The following NTM variants were observed in gnomAD, a reference collection of about 807,000 sequenced individuals.
NTM encodes IgLON family member 2.
NTM carries 13 observed loss-of-function variants against 42.1 expected under a neutral mutation model. That is an observed-to-expected ratio of 0.31 (90% CI 0.20 to 0.49). The LOEUF (loss-of-function observed/expected upper bound fraction) is 0.49. Among genes scored for constraint, NTM ranks in the 20% least tolerant of loss-of-function variants. NTM has a pLI of 0.99. For synonymous variants in NTM, 187 were observed against 179.2 expected (o/e 1.04, Z -0.35); for missense variants, 373 against 452.8 (o/e 0.82, Z 1.60).
intron 2 of NTM, among the ~76,000 whole-genome samples, chr11:131,935,082 T>G (rs1565773898): frequency 6.6e-6 from 1 of 152,104 alleles, no homozygotes. Flanking sequence ...AATTGAGAGA[T>G]AGTCACAGAT....
chr11:131,879,201 G>C (rs1452436718), intron 1 of NTM, among the ~76,000 whole-genome samples: 1 of 152,030 alleles, frequency 6.6e-6, no homozygotes, highest in Non-Finnish European at 1.5e-5. Context: ...AAATGACCTC[G>C]AACCTGGATC....
chr11:131,559,606 G>A (rs1293220094), intron 1 of NTM, among the ~76,000 whole-genome samples: 1 of 152,174 alleles, frequency 6.6e-6, no homozygotes, highest in Non-Finnish European at 1.5e-5. Flanking sequence ...TTCTATATGA[G>A]TCAAAATATA....
chr11:132,146,565 C>T lies in NTM; in HGVS notation c.400+51C>T. ...GATCTGGCTGGCCAGCCTGGAAAGC[C>T]TTCAGGTAAAGGTTTGTTCTCTGAT... On this transcript the variant is annotated intron_variant, in intron 3 of 8. Coordinates refer to ENST00000683400, the MANE Select transcript of NTM (RefSeq NM_001352005.2). This position sits in a 1 kb window ranked among gnomAD's most constrained non-coding sequence, Gnocchi z 4.5. 1.3e-6 allele frequency: 2 copies of T among 1,589,422 alleles called. No individual in the cohort carries two copies. Among genetic ancestry groups the T allele is most frequent in the South Asian group, 2.3e-5 (2 of 88,482 alleles).
At chr11:132,203,617 C>T (rs565956191) in intron 3 of NTM, among the ~76,000 whole-genome samples, 7 of 152,216 alleles carry the variant, frequency 4.6e-5, no homozygotes, top group East Asian at 1.9e-4. Flanking sequence ...AAAAACACTG[C>T]GCGGTGGCAC....
At chr11:132,265,794 A>G (rs573979841) in intron 4 of NTM, among the ~76,000 whole-genome samples, 24 of 152,264 alleles carry the variant, frequency 1.6e-4, no homozygotes, top group Admixed American at 1.3e-3. Context: ...TAACAACCTG[A>G]ATGAAGTATG....
intron 1 of NTM, among the ~76,000 whole-genome samples, chr11:131,652,934 T>G (rs1416839767): frequency 6.6e-6 from 1 of 152,190 alleles, no homozygotes; most frequent in Admixed American, 6.5e-5. Context: ...GCCTTCATCC[T>G]TTACCGCCCT....
At chr11:131,732,758 A>G (rs2079858275) in intron 1 of NTM, among the ~76,000 whole-genome samples, 1 of 152,148 alleles carries the variant, frequency 6.6e-6, no homozygotes, top group African/African-American at 2.4e-5. Flanking sequence ...AGCGGAGTCT[A>G]TTTGTGTTGA....
chr11:131,723,220 A>C (rs917915396), intron 1 of NTM, among the ~76,000 whole-genome samples: 9 of 152,226 alleles, frequency 5.9e-5, no homozygotes, highest in African/African-American at 2.2e-4. Context: ...TGGTGTTTTA[A>C]GCTTGTTTGC....
At chr11:131,472,789 C>T (rs530760261) in intron 1 of NTM, among the ~76,000 whole-genome samples, 4 of 152,152 alleles carry the variant, frequency 2.6e-5, no homozygotes, top group African/African-American at 7.2e-5. Context: ...GAAACTGAGG[C>T]TGAAAGACAC....
chr11:131,708,185 A>C (rs1331893724), intron 1 of NTM, among the ~76,000 whole-genome samples: 2 of 152,154 alleles, frequency 1.3e-5, no homozygotes, highest in African/African-American at 4.8e-5. Flanking sequence ...GCAATATAAC[A>C]AACCGTTAAT....
At chr11:132,172,556 C>T (rs1383579149) in intron 3 of NTM, among the ~76,000 whole-genome samples, 1 of 152,176 alleles carries the variant, frequency 6.6e-6, no homozygotes, top group Non-Finnish European at 1.5e-5. Context: ...TTACAATCTA[C>T]TGAAATGTCA....
At chr11:131,957,562 C>T (rs1021085666) in intron 2 of NTM, among the ~76,000 whole-genome samples, 2 of 152,240 alleles carry the variant, frequency 1.3e-5, no homozygotes, top group African/African-American at 4.8e-5. Context: ...TTAAACCCTG[C>T]AGCCCAACCG....
chr11:131,615,088 G>A (rs183987569), intron 1 of NTM, among the ~76,000 whole-genome samples: 76 of 152,312 alleles, frequency 5.0e-4, no homozygotes, highest in Non-Finnish European at 8.4e-4. Context: ...TACATTTCTA[G>A]ACAAAGCAAT....
chr11:131,408,606 A>T (rs1273558635), intron 1 of NTM, among the ~76,000 whole-genome samples: 1 of 152,156 alleles, frequency 6.6e-6, no homozygotes, highest in Non-Finnish European at 1.5e-5. Context: ...GAACCTTATG[A>T]GGTATCAACC....
At chr11:131,709,687 G>A (rs1381366993) in intron 1 of NTM, among the ~76,000 whole-genome samples, 3 of 152,182 alleles carry the variant, frequency 2.0e-5, no homozygotes, top group Non-Finnish European at 4.4e-5. Flanking sequence ...CTTAGGGCAG[G>A]TGTCTTGCAC....
intron 3 of NTM, among the ~76,000 whole-genome samples, chr11:132,162,264 G>A (rs1366130365): frequency 6.6e-6 from 1 of 151,642 alleles, no homozygotes; most frequent in African/African-American, 2.4e-5. Context: ...TTATGTTTGT[G>A]TAGGGAGTGT....
At chr11:132,174,655 C>T (rs1246645426) in intron 3 of NTM, among the ~76,000 whole-genome samples, 2 of 152,068 alleles carry the variant, frequency 1.3e-5, no homozygotes, top group Non-Finnish European at 2.9e-5. Flanking sequence ...ATTTTTGTAG[C>T]ATTTTCTTCC....
chr11:132,215,087 G>T (rs1366317012), intron 4 of NTM, among the ~76,000 whole-genome samples: 1 of 152,184 alleles, frequency 6.6e-6, no homozygotes, highest in Admixed American at 6.5e-5. Flanking sequence ...TTTCCTAAAG[G>T]AGGCTTATTC....
intron 1 of NTM, among the ~76,000 whole-genome samples, chr11:131,733,122 CTA>C (rs1189845078): frequency 6.6e-6 from 1 of 151,916 alleles, no homozygotes; most frequent in African/African-American, 2.4e-5. Flanking sequence ...AATTTTTTGT[CTA>C]TGTTAATGAT....
Sources: allele counts gnomAD v4.1 joint callset (sites outside exome capture counted in the v4.1 genomes callset), GRCh38; gene constraint gnomAD v4.1.1; non-coding constraint Gnocchi (gnomAD v3.1); transcripts MANE v1.5; gene names NCBI Gene and HGNC (gene_info 2026-07-23, HGNC 2026-07-21).